The following ORC1 variants were observed in gnomAD, a reference collection of about 807,000 sequenced individuals.
ORC1 encodes the protein origin recognition complex subunit 1.
ORC1 carries 61 observed loss-of-function variants against 98.9 expected under a neutral mutation model. That is an observed-to-expected ratio of 0.62 (90% CI 0.50 to 0.76). The LOEUF is 0.76. Ranked by LOEUF, ORC1 falls within the 30% of genes least tolerant of loss-of-function variation. The pLI, the probability that ORC1 is intolerant of heterozygous loss-of-function variation, is 0.00. For missense variants in ORC1, 979 were observed against 1,072.2 expected, an observed-to-expected ratio of 0.91 and a Z score of 1.21; for synonymous variants, 385 against 406.9, an observed-to-expected ratio of 0.95 and a Z score of 0.65.
chr1:52,391,080 G>T (rs1016368521), intron 6 of ORC1, among the ~76,000 whole-genome samples: 1 of 151,790 alleles, frequency 6.6e-6, no homozygotes, highest in Admixed American at 6.6e-5. Flanking sequence ...GGAGGCTGAG[G>T]CAGGTGGATC....
At position 52,383,423 on chromosome 1, in the gene ORC1, T is replaced by G. The variant is rs750354358; in HGVS notation, c.2010A>C (p.Arg670=). The G allele has an allele frequency of 1.2e-6, 2 of 1,612,450 alleles. No individual in the cohort carries two copies. The highest frequency in any genetic ancestry group is 1.7e-6 in the Non-Finnish European group (2 of 1,180,018). The change falls in exon 13 of 17, where the codon CGA becomes CGC. Residue 670 remains arginine (R), a synonymous_variant. Coordinates refer to ENST00000371568, the MANE Select transcript of ORC1 (RefSeq NM_004153.4). ...TGGGAACTGCCCTAGAACCTACCAG[T>G]CGGCTGGACACCCGGTTCATCATGA... ...ERIMMNRVSS[R]LGLTRMCFQP...
At position 52,381,777 on chromosome 1, in the gene ORC1, G is replaced by A. The variant is rs2147920063; in HGVS notation, c.2014-16C>T. On this transcript the variant is annotated splice_polypyrimidine_tract_variant and intron_variant, in intron 13 of 16. Coordinates refer to ENST00000371568, the MANE Select transcript of ORC1 (RefSeq NM_004153.4). Reference sequence around the variant, plus strand: ...TGGTAAGACCCTGGGGAGCCAAAATGACAGAGGAATAAGTTGGTTGACTGC... The same window carrying A: ...TGGTAAGACCCTGGGGAGCCAAAATAACAGAGGAATAAGTTGGTTGACTGC... The A allele has an allele frequency of 1.2e-6, 2 of 1,611,648 alleles. No homozygotes were observed.
chr1:52,398,607 AGTCTCACTCT>A (rs986532804), intron 3 of ORC1, among the ~76,000 whole-genome samples: 9 of 148,084 alleles, frequency 6.1e-5, no homozygotes, highest in African/African-American at 2.3e-4. Flanking sequence ...TTTGAGACGG[AGTCTCACTCT>A]GTCACCTGGA....
chr1:52,380,033 C>T (rs756532042), intron 14 of ORC1, among the ~76,000 whole-genome samples: 1 of 152,210 alleles, frequency 6.6e-6, no homozygotes, highest in Non-Finnish European at 1.5e-5. Context: ...GAAGAGGTGT[C>T]CCTTACCAAA....
chr1:52,374,831 C>T lies in ORC1; in HGVS notation c.2370G>A (p.Leu790=), dbSNP rs1646973416. The T allele has an allele frequency of 4.3e-6, 7 of 1,613,264 alleles. No individual in the cohort carries two copies. In the East Asian group the frequency reaches 1.6e-4, roughly 36 times the overall value. The part of the protein sequence containing the change: ...AILAEFRRSG[L]EEATFQQIYS... ...TCACCTGTTGAAACGTGGCTTCCTC[C>T]AGTCCTGATCGACGGAACTCTGCGA... The change falls in exon 16 of 17, where the codon CTG becomes CTA. Residue 790 remains leucine (L), a synonymous_variant. Transcript: ENST00000371568.
chr1:52,405,015 G>A, upstream of ORC1: 3 of 976,072 alleles, frequency 3.1e-6, no homozygotes, highest in South Asian at 3.2e-5. Flanking sequence ...AAAATTTTGA[G>A]TGCCTGCTAA....
At chr1:52,387,999 TCTC>T (rs745788726) in intron 8 of ORC1, among the ~76,000 whole-genome samples, 2 of 152,218 alleles carry the variant, frequency 1.3e-5, no homozygotes, top group African/African-American at 2.4e-5. Context: ...TGTTCATTGA[TCTC>T]CTCCTTCCAT....
intron 2 of ORC1, 24 bp from the exon 3 acceptor site, chr1:52,401,513 T>C (rs1446342638): frequency 6.2e-7 from 1 of 1,613,046 alleles, no homozygotes; most frequent in Non-Finnish European, 8.5e-7. Context: ...GAGAAGCACA[T>C]TAGGAAATAA....
At chr1:52,401,835 A>T (rs1647723651) in intron 2 of ORC1, among the ~76,000 whole-genome samples, 1 of 152,232 alleles carries the variant, frequency 6.6e-6, no homozygotes, top group Admixed American at 6.5e-5. Flanking sequence ...GGAAAGACAT[A>T]GTAAAAACAT....
chr1:52,405,936 C>T, upstream of ORC1: 1 of 1,002,038 alleles, frequency 1.0e-6, no homozygotes, highest in East Asian at 2.4e-5. Flanking sequence ...TATCTCATTT[C>T]TAGAGAGTTC....
chr1:52,396,475 T>C (rs1278836549), intron 4 of ORC1, 111 bp from the exon 5 acceptor site: 25 of 1,350,358 alleles, frequency 1.9e-5, no homozygotes, highest in Non-Finnish European at 2.6e-5. Flanking sequence ...GTACCTAAAA[T>C]GTTACCTTTC....
upstream of ORC1, among the ~76,000 whole-genome samples, chr1:52,406,788 C>A (rs1415551035): frequency 2.0e-5 from 3 of 152,194 alleles, no homozygotes; most frequent in African/African-American, 7.2e-5. Context: ...ACTTTCACAA[C>A]AACCTTCTAA....
At chr1:52,377,211 A>T (rs1007065848) in intron 14 of ORC1, among the ~76,000 whole-genome samples, 2 of 151,992 alleles carry the variant, frequency 1.3e-5, no homozygotes, top group African/African-American at 4.8e-5. Flanking sequence ...TTTAGTAGAG[A>T]TGGGGTTTCA....
chr1:52,373,377 T>C lies in ORC1; in HGVS notation c.2392-2A>G. On this transcript the variant is annotated splice_acceptor_variant, in intron 16 of 16. Coordinates refer to ENST00000371568, the MANE Select transcript of ORC1 (RefSeq NM_004153.4). LOFTEE classifies it high-confidence loss of function. ...CAGTGCCACATGTTGACTATATATC[T>C]AGACACAAATAGCAAGGCAAAGGTT... 1 of 1,611,826 alleles carries C rather than the reference T, an allele frequency of 6.2e-7. No individual in the cohort carries two copies. The highest frequency in any genetic ancestry group is 8.5e-7 in the Non-Finnish European group (1 of 1,178,104).
In ORC1 at chr1:52,388,565, G is replaced by A; in HGVS notation, c.1260C>T (p.Ser420=). 6.2e-7 allele frequency: 1 copy of A among 1,614,092 alleles called. No homozygotes were observed. The highest frequency in any genetic ancestry group is 8.5e-7 in the Non-Finnish European group (1 of 1,179,990). Residue 420 remains serine (S), a synonymous_variant, in exon 8 of 17, where the codon AGC becomes AGT. Coordinates refer to ENST00000371568, the MANE Select transcript of ORC1 (RefSeq NM_004153.4). ...GTGTGGAAGCCTCTTCTTCGTCACTGCTAGAGTCTGAAATCTCTGCTGCTG... is the reference window on the plus strand; with the variant it reads ...GTGTGGAAGCCTCTTCTTCGTCACTACTAGAGTCTGAAATCTCTGCTGCTG... ...ILPAAEISDS[S]SDEEEASTPP...
At chr1:52,383,131 CG>C (rs1187161305) in intron 13 of ORC1, among the ~76,000 whole-genome samples, 1 of 151,520 alleles carries the variant, frequency 6.6e-6, no homozygotes, top group Non-Finnish European at 1.5e-5. Context: ...TGCAGTGGCA[CG>C]ATCTCAACTC....
rs764553903 is a variant in ORC1, at chr1:52,396,246, G to T, written c.521C>A (p.Ala174Glu). The change falls in exon 5 of 17, where the codon GCG (alanine) becomes GAG (glutamate). Residue 174 changes from alanine to glutamate, a missense_variant. Coordinates refer to ENST00000371568, the MANE Select transcript of ORC1 (RefSeq NM_004153.4). ...KFRPLSSELF[A>E]ELNKPQESAA... ...ACTCTCTTGTGGTTTATTCAACTCC[G>T]CAAATAGTTCTGAGGAAAGTGGCCT... is the stretch of plus-strand genomic sequence containing the variant. 3 of 1,614,160 alleles carry T rather than the reference G, an allele frequency of 1.9e-6. No individual in the cohort carries two copies. The highest frequency in any genetic ancestry group is 2.5e-6 in the Non-Finnish European group (3 of 1,180,032).
At chr1:52,379,776 T>G (rs1467113156) in intron 14 of ORC1, among the ~76,000 whole-genome samples, 1 of 151,482 alleles carries the variant, frequency 6.6e-6, no homozygotes, top group Non-Finnish European at 1.5e-5. Context: ...CTACTAAAAA[T>G]ACAAAAATTA....
upstream of ORC1, chr1:52,408,609 G>A (rs1408383901): frequency 1.2e-6 from 2 of 1,614,086 alleles, no homozygotes; most frequent in African/African-American, 2.7e-5. Flanking sequence ...GAGGCTGACA[G>A]GCACTGCAAT....
Sources: gnomAD v4.1 joint callset for allele counts (sites outside exome capture counted in the v4.1 genomes callset) on GRCh38, gnomAD v4.1.1 for gene constraint, MANE v1.5 for transcripts, NCBI Gene and HGNC (gene_info 2026-07-23, HGNC 2026-07-21) for gene names.